Variants in POLR1E observed in about 807,000 individuals in gnomAD.
POLR1E encodes the protein DNA-directed RNA polymerase I subunit RPA49.
A neutral mutation model predicts 50.9 loss-of-function variants in POLR1E; 37 were observed. That is an observed-to-expected ratio of 0.73 (90% CI 0.56 to 0.96). The LOEUF is 0.96. POLR1E is among the 40% of genes least tolerant of loss of function. POLR1E has a pLI of 0.00. For missense variants in POLR1E, 426 were observed against 518.1 expected (o/e 0.82, Z 1.73); for synonymous variants, 166 against 191.6 (o/e 0.87, Z 1.10).
In POLR1E at chr9:37,487,900, A is replaced by G. The variant is rs201218127; in HGVS notation, c.218A>G (p.Asn73Ser). Residue 73 changes from asparagine (N) to serine (S), a missense_variant, in exon 3 of 12, where the codon AAT becomes AGT. Transcript: ENST00000377798. ...GATAGGCTCTCCTATGTGGGAAACA[A>G]TTTTGGGACTGGAGCCCTCAAATGC... ...ETDRLSYVGN[N>S]FGTGALKCNT... 26 of 1,614,078 alleles carry G rather than the reference A, an allele frequency of 1.6e-5. No individual in the cohort carries two copies. The highest frequency in any genetic ancestry group is 2.0e-5 in the Non-Finnish European group (24 of 1,180,026).
At position 37,489,409 on chromosome 9, in the gene POLR1E, C is replaced by A; in HGVS notation, c.343+9C>A. On this transcript the variant is annotated intron_variant, in intron 4 of 11. Coordinates refer to ENST00000377798, the MANE Select transcript of POLR1E (RefSeq NM_022490.4). Reference sequence around the variant, plus strand: ...GCAGCCACTATTTTCAGGTAGGTCCCAGTCATGAAAGCTGACAGAAATAAT... The same window carrying A: ...GCAGCCACTATTTTCAGGTAGGTCCAAGTCATGAAAGCTGACAGAAATAAT... The A allele has an allele frequency of 6.4e-7, 1 of 1,573,390 alleles. No individual in the cohort carries two copies. Among genetic ancestry groups the A allele is most frequent in the Non-Finnish European group, 8.6e-7 (1 of 1,163,184 alleles).
At chr9:37,498,034 T>C in intron 8 of POLR1E, 57 bp from the exon 9 acceptor site, 1 of 1,578,464 alleles carries the variant, frequency 6.3e-7, no homozygotes, top group Non-Finnish European at 8.6e-7. Flanking sequence ...GGGAAGTAGT[T>C]CCTGACAGAG....
Position 37,486,076 on chromosome 9 carries a change from G to A in POLR1E, c.29G>A (p.Arg10Lys). Residue 10 changes from arginine (R) to lysine (K), a missense_variant, in exon 1 of 12, where the codon AGG (arginine) becomes AAG (lysine). By Grantham distance (26) the Arg-to-Lys change is conservative. Transcript: ENST00000377798. MAAEVLPSA[R>K]WQYCGAPDGS... The stretch of plus-strand genomic sequence containing the variant: ...GCGGCGGAGGTGTTGCCGAGTGCGA[G>A]GTGGCAGTATTGTGGGGCGCCCGAC... The A allele has an allele frequency of 6.2e-7, 1 of 1,604,136 alleles. No individual in the cohort carries two copies.
rs1288053836 is a variant in POLR1E, at chr9:37,498,669, T to TA, written c.886+446dup. 2.0e-5 allele frequency among the ~76,000 whole-genome samples: 3 copies of TA among 152,356 alleles called. No individual in the cohort carries two copies. In the East Asian group the frequency reaches 5.8e-4, roughly 29 times the overall value. ...GTGGCAGGTTTGTGTTGTGTCAGCT[T>TA]ATTTCTAACAGGAGAGAGTCAATCT... On this transcript the variant is annotated intron_variant, in intron 9 of 11. Transcript: ENST00000377798.
At chr9:37,498,267 ATTAT>A in intron 9 of POLR1E, 43 bp downstream of exon 9, 1 of 1,572,840 alleles carries the variant, frequency 6.4e-7, no homozygotes, top group Non-Finnish European at 8.7e-7. Flanking sequence ...TTTCCAGTAT[ATTAT>A]TTGTCTGTAA....
intron 5 of POLR1E, among the ~76,000 whole-genome samples, chr9:37,493,265 T>A (rs1330431925): frequency 1.3e-5 from 2 of 152,216 alleles, no homozygotes; most frequent in African/African-American, 4.8e-5. Flanking sequence ...CTACTATTCC[T>A]GTCTGTTACG....
chr9:37,491,104 C>T (rs1820675268), intron 4 of POLR1E, among the ~76,000 whole-genome samples: 1 of 152,158 alleles, frequency 6.6e-6, no homozygotes, highest in Non-Finnish European at 1.5e-5. Flanking sequence ...GAAGAATTTA[C>T]ATTGTTTCTC....
chr9:37,486,257 TGGGCTCTGTCA>T lies in POLR1E; in HGVS notation c.76+141_76+151del. 3.1e-6 allele frequency: 4 copies of T among 1,303,192 alleles called. No homozygotes were observed. In the South Asian group the frequency reaches 4.6e-5, roughly 15 times the overall value. 80.7% of individuals were successfully genotyped at this position (1,303,192 alleles called of 1,614,324 possible). On this transcript the variant is annotated intron_variant, in intron 1 of 11. Coordinates refer to ENST00000377798, the MANE Select transcript of POLR1E (RefSeq NM_022490.4). ...ACCCCTCTAGTCTCCACCACTCCCC[TGGGCTCTGTCA>T]GGGCTCCCCTGTCCGTCTTTCTGTC...
At chr9:37,488,011 T>C in intron 3 of POLR1E, 72 bp downstream of exon 3, 4 of 1,488,996 alleles carry the variant, frequency 2.7e-6, no homozygotes, top group Non-Finnish European at 3.7e-6. Context: ...CACTGCTGTT[T>C]CCTGTCTGTT....
chr9:37,490,874 T>C (rs770002496), intron 4 of POLR1E: 1 of 537,552 alleles, frequency 1.9e-6, no homozygotes, highest in Non-Finnish European at 3.6e-6. Flanking sequence ...GCCTCTCCTC[T>C]TTCCCTTTGT....
At chr9:37,492,216 G>A in intron 4 of POLR1E, 1 of 1,273,178 alleles carries the variant, frequency 7.9e-7, no homozygotes, top group South Asian at 1.2e-5. Flanking sequence ...CCTTATTTGA[G>A]TACTTTGTAG....
intron 3 of POLR1E, among the ~76,000 whole-genome samples, chr9:37,488,444 G>C (rs1037410113): frequency 6.6e-6 from 1 of 152,010 alleles, no homozygotes; most frequent in Non-Finnish European, 1.5e-5. Context: ...TATCACTCTC[G>C]GGGGCTGGCA....
chr9:37,501,582 C>T, intron 10 of POLR1E, 131 bp from the exon 11 acceptor site: 1 of 1,143,234 alleles, frequency 8.7e-7, no homozygotes, highest in Non-Finnish European at 1.2e-6. Flanking sequence ...CACCCACATT[C>T]CTTTTCCTTT....
intron 4 of POLR1E, chr9:37,490,552 C>T (rs1182776097): frequency 8.2e-6 from 6 of 732,900 alleles, no homozygotes; most frequent in Non-Finnish European, 7.5e-6. Context: ...TCTTTTGCTT[C>T]TGTCTTTTTC....
intron 5 of POLR1E, 22 bp downstream of exon 5, chr9:37,492,737 T>G: frequency 6.2e-7 from 1 of 1,610,632 alleles, no homozygotes; most frequent in Non-Finnish European, 8.5e-7. Flanking sequence ...AGAATTAAGA[T>G]GTGGGACCTT....
chr9:37,497,990 G>C lies in POLR1E; in HGVS notation c.753-101G>C, dbSNP rs1040589226. The C allele has an allele frequency of 3.3e-5, 45 of 1,368,134 alleles. 1 individual carries two copies. The highest frequency in any genetic ancestry group is 2.0e-6 in the Non-Finnish European group (2 of 1,002,134). 84.7% of individuals were successfully genotyped at this position (1,368,134 alleles called of 1,614,324 possible). A position where few individuals can be genotyped will look rare whatever the true frequency, so the allele number is the denominator to read the frequency against. On this transcript the variant is annotated intron_variant, in intron 8 of 11. Coordinates refer to ENST00000377798, the MANE Select transcript of POLR1E (RefSeq NM_022490.4). ...GGTTTCATCAGCTGTTGAGTGCGTC[G>C]GGGTGAGAGGCGCCTGCTGTTCTCG...
At chr9:37,489,549 T>C in intron 4 of POLR1E, 149 bp downstream of exon 4, 1 of 614,576 alleles carries the variant, frequency 1.6e-6, no homozygotes, top group Non-Finnish European at 2.6e-6. Context: ...GTTGAGAAAA[T>C]GGTTTTTTAT....
intron 8 of POLR1E, among the ~76,000 whole-genome samples, chr9:37,496,761 C>A (rs1444293956): frequency 6.6e-6 from 1 of 151,586 alleles, no homozygotes; most frequent in African/African-American, 2.4e-5. Flanking sequence ...AAAACTGAGT[C>A]CCCGAACTCT....
Position 37,493,497 on chromosome 9 carries a change from C to A in POLR1E, c.403-62C>A, listed in dbSNP as rs576296476. 1.2e-5 allele frequency: 16 copies of A among 1,387,840 alleles called. No homozygotes were observed. In the African/African-American group the frequency reaches 2.2e-4, roughly 19 times the overall value. The allele number at this position is 1,387,840 out of a possible 1,614,324, so 86.0% of individuals were successfully genotyped here. On this transcript the variant is annotated intron_variant, in intron 5 of 11. Coordinates refer to ENST00000377798, the MANE Select transcript of POLR1E (RefSeq NM_022490.4). ...TGCTGAGAGTATCCCCATAGTGACA[C>A]AGCTAGGAGGGGCAGCACCTACCTG...
Sources: allele counts gnomAD v4.1 joint callset (sites outside exome capture counted in the v4.1 genomes callset), GRCh38; gene constraint gnomAD v4.1.1; transcripts MANE v1.5; gene names NCBI Gene and HGNC (gene_info 2026-07-23, HGNC 2026-07-21).